The following ATP11A variants were observed in gnomAD, a reference collection of about 807,000 sequenced individuals.
ATP11A encodes ATPase phospholipid transporting 11A.
ATP11A carries 81 observed loss-of-function variants against 154.4 expected under a neutral mutation model. The observed-to-expected ratio is 0.52, with a 90% CI of 0.44 to 0.63. ATP11A has a LOEUF of 0.63. ATP11A is among the 30% of genes least tolerant of loss of function. ATP11A has a pLI of 0.00. For synonymous variants in ATP11A, 623 were observed against 585.9 expected (o/e 1.06, Z -0.91); for missense variants, 1,316 against 1,474.3 (o/e 0.89, Z 1.76).
At chr13:112,825,220 G>T (rs1182794791) in intron 10 of ATP11A, among the ~76,000 whole-genome samples, 2 of 152,198 alleles carry the variant, frequency 1.3e-5, no homozygotes, top group Admixed American at 1.3e-4. Flanking sequence ...ACCCCGTCTT[G>T]GTTCTTACCT....
chr13:112,788,420 A>T (rs926845505), intron 2 of ATP11A, among the ~76,000 whole-genome samples: 53 of 145,972 alleles, frequency 3.6e-4, no homozygotes, highest in African/African-American at 1.3e-3. Flanking sequence ...GCGGAGACCT[A>T]CTTAATTCAC....
rs528333818 is a variant in ATP11A, at chr13:112,785,907, T to C, written c.162+650T>C. 3.7e-4 allele frequency among the ~76,000 whole-genome samples: 56 copies of C among 152,022 alleles called. No individual in the cohort carries two copies. The highest frequency in any genetic ancestry group is 2.8e-3 in the East Asian group (14 of 5,070). ...CCATTAAACATGGGGTAAACTGTGC[T>C]TTCCAGGTAATGCGGAACGCACGTG... On this transcript the variant is annotated intron_variant, in intron 2 of 29. Transcript: ENST00000375645. The surrounding 1 kb of genome is among the most constrained non-coding windows in gnomAD (Gnocchi z 4.8).
At position 112,875,482 on chromosome 13, in the gene ATP11A, TTTG is replaced by T. The variant is rs952078612; in HGVS notation, c.3162-291_3162-289del. On this transcript the variant is annotated intron_variant, in intron 27 of 29. Transcript: ENST00000375645. The surrounding 1 kb of genome is among the most constrained non-coding windows in gnomAD (Gnocchi z 4.1). ...CATCCCTATTTCAATCCCTTTGTGT[TTTG>T]TTTTTTGTTTTTTTTTTTTTTGCTT... 1.2e-5 allele frequency among the ~76,000 whole-genome samples: 1 copy of T among 82,036 alleles called. No homozygotes were observed. The highest frequency in any genetic ancestry group is 4.6e-5 in the African/African-American group (1 of 21,590). The allele number at this position is 82,036 out of a possible 152,430, so 53.8% of individuals were successfully genotyped here. A position where few individuals can be genotyped will look rare whatever the true frequency, so the allele number is the denominator to read the frequency against.
chr13:112,701,712 A>G (rs991977047), intron 1 of ATP11A, among the ~76,000 whole-genome samples: 2 of 152,158 alleles, frequency 1.3e-5, no homozygotes, highest in African/African-American at 4.8e-5. Flanking sequence ...GGGCGCCTGT[A>G]GTCCCAGCTA....
intron 1 of ATP11A, among the ~76,000 whole-genome samples, chr13:112,700,442 C>T (rs574015715): frequency 1.3e-5 from 2 of 152,200 alleles, no homozygotes; most frequent in Non-Finnish European, 2.9e-5. Context: ...GTATCCACAG[C>T]CCCTCTCGAT....
rs2080947493 is a variant in ATP11A, at chr13:112,884,832, C to A, written c.*2966C>A. ...AGTCCCTGCCACAGACCGTCTCAGA[C>A]ACGCACAGTGGGCCTGCTGCATGAT... On this transcript the variant is annotated 3_prime_UTR_variant, in exon 30 of 30. Coordinates refer to ENST00000375645, the MANE Select transcript of ATP11A (RefSeq NM_015205.3). 6.6e-6 allele frequency: 1 copy of A among 150,544 alleles called. No homozygotes were observed. Among genetic ancestry groups the A allele is most frequent in the African/African-American group, 2.4e-5 (1 of 40,822 alleles). 9.3% of individuals were successfully genotyped at this position (150,544 alleles called of 1,614,324 possible).
chr13:112,800,935 A>T (rs2078116531), intron 2 of ATP11A, among the ~76,000 whole-genome samples: 1 of 152,220 alleles, frequency 6.6e-6, no homozygotes, highest in Non-Finnish European at 1.5e-5. Flanking sequence ...GAATTTGACA[A>T]AATTCACTAC....
intron 1 of ATP11A, among the ~76,000 whole-genome samples, chr13:112,711,775 G>A (rs1312861095): frequency 6.6e-6 from 1 of 152,232 alleles, no homozygotes; most frequent in Non-Finnish European, 1.5e-5. Context: ...CTGGGAAACA[G>A]CCCGGATGTG....
intron 16 of ATP11A, among the ~76,000 whole-genome samples, chr13:112,837,495 C>T (rs527479078): frequency 3.3e-5 from 5 of 152,344 alleles, no homozygotes; most frequent in African/African-American, 7.2e-5. Context: ...GCTGACGTCA[C>T]GCCACCCTCC....
chr13:112,698,254 T>A (rs1235745635), intron 1 of ATP11A, among the ~76,000 whole-genome samples: 1 of 151,952 alleles, frequency 6.6e-6, no homozygotes, highest in African/African-American at 2.4e-5. Context: ...GGGTCGGTGC[T>A]CTCCACTGGC....
Position 112,859,221 on chromosome 13 carries a change from ATT to A in ATP11A, c.2668-170_2668-169del, listed in dbSNP as rs2080027850. On this transcript the variant is annotated intron_variant, in intron 22 of 29. Transcript: ENST00000375645. This position sits in a 1 kb window ranked among gnomAD's most constrained non-coding sequence, Gnocchi z 4.3. ...GTGGCCAAAACGTGGTCACATGTGCATTTCAGTTGCCCCTGAAATAAGAGAAA... is the reference window on the plus strand; with the variant it reads ...GTGGCCAAAACGTGGTCACATGTGCATCAGTTGCCCCTGAAATAAGAGAAA... 1 of 648,908 alleles carries A rather than the reference ATT, an allele frequency of 1.5e-6. No individual in the cohort carries two copies. 40.2% of individuals were successfully genotyped at this position (648,908 alleles called of 1,614,324 possible). A position where few individuals can be genotyped will look rare whatever the true frequency, so the allele number is the denominator to read the frequency against.
chr13:112,795,863 A>G (rs1034098948), intron 2 of ATP11A, among the ~76,000 whole-genome samples: 2 of 152,268 alleles, frequency 1.3e-5, no homozygotes, highest in Non-Finnish European at 1.5e-5. Flanking sequence ...CAAGAAAACT[A>G]GAACTCAGAA....
At chr13:112,727,990 A>T (rs1157137650) in intron 1 of ATP11A, among the ~76,000 whole-genome samples, 1 of 152,252 alleles carries the variant, frequency 6.6e-6, no homozygotes, top group African/African-American at 2.4e-5. Context: ...TCTGGTGAGC[A>T]GGGGAAAAAC....
Position 112,753,459 on chromosome 13 carries a change from G to T in ATP11A, c.40-31676G>T, listed in dbSNP as rs559176191. Among the ~76,000 whole-genome samples the T allele has an allele frequency of 6.6e-6, 1 of 152,228 alleles. No individual in the cohort carries two copies. The highest frequency in any genetic ancestry group is 1.5e-5 in the Non-Finnish European group (1 of 68,036). On this transcript the variant is annotated intron_variant, in intron 1 of 29. Transcript: ENST00000375645. This position sits in a 1 kb window ranked among gnomAD's most constrained non-coding sequence, Gnocchi z 4.1. ...ACCTACCTCGCCAGCAGCCTGCGCT[G>T]CCCGGCTTGCCAGCTTCTGGGCCTG...
chr13:112,703,167 C>G (rs904902347), intron 1 of ATP11A: 6 of 152,196 alleles, frequency 3.9e-5, no homozygotes, highest in Non-Finnish European at 2.9e-5. Flanking sequence ...TCTTGTAGCT[C>G]TTGAGGCTGG....
At chr13:112,872,597 C>T (rs573644305) in intron 26 of ATP11A, among the ~76,000 whole-genome samples, 6 of 152,292 alleles carry the variant, frequency 3.9e-5, no homozygotes, top group Admixed American at 6.5e-5. Context: ...GGCGACAGAG[C>T]GAGACTGTCT....
chr13:112,793,831 C>T (rs1389023403), intron 2 of ATP11A, among the ~76,000 whole-genome samples: 2 of 152,234 alleles, frequency 1.3e-5, no homozygotes, highest in African/African-American at 4.8e-5. Flanking sequence ...CAGCCAGAGG[C>T]CAGAGGCAGG....
chr13:112,829,146 G>A (rs1395517738), intron 12 of ATP11A, among the ~76,000 whole-genome samples: 2 of 152,198 alleles, frequency 1.3e-5, no homozygotes, highest in African/African-American at 2.4e-5. Flanking sequence ...CGAGTGCCTT[G>A]GAACACAAAT....
intron 18 of ATP11A, among the ~76,000 whole-genome samples, chr13:112,852,786 G>A (rs938289791): frequency 5.0e-5 from 7 of 140,212 alleles, no homozygotes; most frequent in Non-Finnish European, 7.5e-5. Flanking sequence ...CCTGGTTGGC[G>A]GGGGGGGATC....
Sources: gnomAD v4.1 joint callset for allele counts (sites outside exome capture counted in the v4.1 genomes callset) on GRCh38, gnomAD v4.1.1 for gene constraint, Gnocchi (gnomAD v3.1) non-coding constraint, MANE v1.5 for transcripts, NCBI Gene and HGNC (gene_info 2026-07-23, HGNC 2026-07-21) for gene names.